The following ARHGAP10 variants were observed in gnomAD, a reference collection of about 807,000 sequenced individuals.
ARHGAP10 encodes rho GTPase-activating protein 10.
A neutral mutation model predicts 108.6 loss-of-function variants in ARHGAP10; 87 were observed. That is an observed-to-expected ratio of 0.80 (90% confidence interval 0.67 to 0.96). The LOEUF (loss-of-function observed/expected upper bound fraction) is 0.96. ARHGAP10 is among the 40% of genes least tolerant of loss of function. The probability of loss-of-function intolerance (pLI) is 0.00; values close to 1 mark genes in which losing one functional copy is unlikely to be tolerated. For synonymous variants in ARHGAP10, 347 were observed against 341.1 expected (o/e 1.02, Z -0.19); for missense variants, 939 against 954.5 (o/e 0.98, Z 0.21).
rs199898539 is a variant in ARHGAP10, at chr4:147,880,706, TAAGTA to T, written c.940-1128_940-1124del. ...GCACTTGTATTTCTGCATTGCAAAT[TAAGTA>T]AAGATAAATTCAGGGTGATTCACAT... On this transcript the variant is annotated intron_variant, in intron 9 of 22. Transcript: ENST00000336498. Among the ~76,000 whole-genome samples the T allele has an allele frequency of 9.5e-3, 1,445 of 152,356 alleles. 18 individuals carry two copies. Among genetic ancestry groups the T allele is most frequent in the African/African-American group, 0.03 (1,253 of 41,588 alleles).
In ARHGAP10 at chr4:147,869,998, T is replaced by TTTTTTTTGTCTGTGTG. The variant is rs1553958574; in HGVS notation, c.702+3183_702+3184insTTTTTTGTCTGTGTGT. 5.9e-4 allele frequency among the ~76,000 whole-genome samples: 55 copies of TTTTTTTTGTCTGTGTG among 93,110 alleles called. 1 individual carries two copies. The highest frequency in any genetic ancestry group is 2.4e-3 in the African/African-American group (54 of 22,792). The allele number at this position is 93,110 out of a possible 152,430, so 61.1% of individuals were successfully genotyped here. On this transcript the variant is annotated intron_variant, in intron 7 of 22. Coordinates refer to ENST00000336498, the MANE Select transcript of ARHGAP10 (RefSeq NM_024605.4). ...ACATATTGTTGAAAAAAGTCCCAGT[T>TTTTTTTTGTCTGTGTG]TGTGTGTGTGTGTGTGTGTGTGTGT... is the stretch of plus-strand genomic sequence containing the variant.
At chr4:148,037,874 C>G (rs1728451844) in intron 19 of ARHGAP10, among the ~76,000 whole-genome samples, 1 of 151,608 alleles carries the variant, frequency 6.6e-6, no homozygotes. Flanking sequence ...CAGCTATATC[C>G]TTTGATCTCT....
intron 1 of ARHGAP10, among the ~76,000 whole-genome samples, chr4:147,795,480 CTG>C (rs1454312464): frequency 6.6e-6 from 1 of 152,030 alleles, no homozygotes; most frequent in Non-Finnish European, 1.5e-5. Context: ...TACAGGGTCT[CTG>C]TGGGTCCTTC....
chr4:147,783,176 C>T (rs968500486), intron 1 of ARHGAP10, among the ~76,000 whole-genome samples: 3 of 138,980 alleles, frequency 2.2e-5, no homozygotes, highest in African/African-American at 7.7e-5. Flanking sequence ...TTATATAACA[C>T]ATTAAATTAT....
At chr4:148,015,628 G>T (rs547275287) in intron 18 of ARHGAP10, among the ~76,000 whole-genome samples, 2 of 152,298 alleles carry the variant, frequency 1.3e-5, no homozygotes, top group Admixed American at 6.5e-5. Flanking sequence ...GTCGGAAAAG[G>T]TTTTCATTGC....
chr4:147,754,321 G>C (rs1729283015), intron 1 of ARHGAP10, among the ~76,000 whole-genome samples: 1 of 152,200 alleles, frequency 6.6e-6, no homozygotes, highest in Non-Finnish European at 1.5e-5. Flanking sequence ...TGCTATTGTA[G>C]TTCCTCTTGC....
At chr4:148,004,516 A>T (rs1740862535) in intron 18 of ARHGAP10, among the ~76,000 whole-genome samples, 1 of 152,158 alleles carries the variant, frequency 6.6e-6, no homozygotes, top group Non-Finnish European at 1.5e-5. Flanking sequence ...ATTATATAAG[A>T]TTGTCTTAGA....
At chr4:148,034,362 G>A (rs1728280065) in intron 19 of ARHGAP10, among the ~76,000 whole-genome samples, 1 of 152,182 alleles carries the variant, frequency 6.6e-6, no homozygotes, top group African/African-American at 2.4e-5. Context: ...TTGTTGCCCA[G>A]GCTAGAGTGC....
chr4:147,733,179 C>T (rs549101822), intron 1 of ARHGAP10, among the ~76,000 whole-genome samples: 1 of 152,276 alleles, frequency 6.6e-6, no homozygotes, highest in South Asian at 2.1e-4. Context: ...TTGGTGCCTT[C>T]CTCCCCTGAA....
intron 15 of ARHGAP10, among the ~76,000 whole-genome samples, chr4:147,952,850 C>CT (rs1030906220): frequency 1.3e-5 from 2 of 151,738 alleles, no homozygotes; most frequent in South Asian, 4.1e-4. Context: ...CAAAGGTTTT[C>CT]TTTTTTTGTT....
chr4:147,863,440 A>G (rs1427541747), intron 5 of ARHGAP10: 1 of 152,210 alleles, frequency 6.6e-6, no homozygotes, highest in Non-Finnish European at 1.5e-5. Flanking sequence ...CTTCCTGTCT[A>G]AGGCTGAATA....
chr4:147,826,883 C>T (rs1732729301), intron 3 of ARHGAP10, among the ~76,000 whole-genome samples: 1 of 152,158 alleles, frequency 6.6e-6, no homozygotes, highest in South Asian at 2.1e-4. Context: ...CTCTTTCCCT[C>T]CCCAAGCCCC....
At chr4:147,740,851 C>A (rs1025826960) in intron 1 of ARHGAP10, among the ~76,000 whole-genome samples, 2 of 152,144 alleles carry the variant, frequency 1.3e-5, no homozygotes, top group African/African-American at 4.8e-5. Flanking sequence ...CCCCTCCCCC[C>A]AGCTTAATGA....
At position 147,793,771 on chromosome 4, in the gene ARHGAP10, G is replaced by A. The variant is rs117543034; in HGVS notation, c.155-28956G>A. 1.1e-4 allele frequency among the ~76,000 whole-genome samples: 16 copies of A among 152,284 alleles called. No homozygotes were observed. The East Asian group carries it at 2.9e-3, about 28-fold the overall frequency. ...TTGCAGAAACAAATCATCCGTGCCTGTGTACGTGCCTTCCCCCTTAACAGT... is the reference window on the plus strand; with the variant it reads ...TTGCAGAAACAAATCATCCGTGCCTATGTACGTGCCTTCCCCCTTAACAGT... On this transcript the variant is annotated intron_variant, in intron 1 of 22. Coordinates refer to ENST00000336498, the MANE Select transcript of ARHGAP10 (RefSeq NM_024605.4).
chr4:147,842,482 C>T (rs183664819), intron 3 of ARHGAP10, among the ~76,000 whole-genome samples: 19 of 152,268 alleles, frequency 1.2e-4, no homozygotes, highest in African/African-American at 4.6e-4. Flanking sequence ...TGAGCATTTC[C>T]TGGGTCCCAT....
At chr4:147,743,487 A>G (rs1398199964) in intron 1 of ARHGAP10, among the ~76,000 whole-genome samples, 1 of 152,180 alleles carries the variant, frequency 6.6e-6, no homozygotes, top group Non-Finnish European at 1.5e-5. Context: ...TAAAATGTGG[A>G]TAATAGTCAG....
chr4:147,809,611 T>C (rs1662621045), intron 1 of ARHGAP10, among the ~76,000 whole-genome samples: 1 of 152,208 alleles, frequency 6.6e-6, no homozygotes, highest in Admixed American at 6.5e-5. Context: ...AGCCCCACTC[T>C]GACTTCAGAC....
At chr4:147,807,503 C>T (rs138793641) in intron 1 of ARHGAP10, among the ~76,000 whole-genome samples, 139 of 150,850 alleles carry the variant, frequency 9.2e-4, no homozygotes, top group African/African-American at 3.3e-3. Context: ...TGGTCAGGAA[C>T]GTAAAGAGGT....
At chr4:147,954,513 G>C (rs1738718696) in intron 15 of ARHGAP10, among the ~76,000 whole-genome samples, 2 of 151,338 alleles carry the variant, frequency 1.3e-5, no homozygotes, top group Admixed American at 1.3e-4. Flanking sequence ...GTGCATCTTT[G>C]ATTTTTTTTT....
Sources: gnomAD v4.1 joint callset for allele counts (sites outside exome capture counted in the v4.1 genomes callset) on GRCh38, gnomAD v4.1.1 for gene constraint, MANE v1.5 for transcripts, NCBI Gene and HGNC (gene_info 2026-07-23, HGNC 2026-07-21) for gene names.